Variants in CAMK1D observed in about 807,000 individuals in gnomAD.
The protein encoded by CAMK1D is calcium/calmodulin dependent protein kinase ID.
In CAMK1D, 9 loss-of-function variants were observed where a neutral mutation model predicts 47.7. That is an observed-to-expected ratio of 0.19 (90% CI 0.11 to 0.33). The LOEUF is 0.33. Ranked by LOEUF, CAMK1D falls within the 10% of genes least tolerant of loss-of-function variation. The pLI, the probability that CAMK1D is intolerant of heterozygous loss-of-function variation, is 1.00. For missense variants in CAMK1D, 291 were observed against 488.7 expected (o/e 0.60, Z 3.81); for synonymous variants, 184 against 184.9 (o/e 0.99, Z 0.04).
At chr10:12,523,738 AGAGAGGGAGAGGGAGACCGTGGG>A (rs1047672813) in intron 1 of CAMK1D, among the ~76,000 whole-genome samples, 2 of 152,082 alleles carry the variant, frequency 1.3e-5, no homozygotes, top group African/African-American at 4.8e-5. Flanking sequence ...GACCGTGGAA[AGAGAGGGAGAGGGAGACCGTGGG>A]GAGAGGGAGA....
At chr10:12,552,477 A>G (rs1424889780) in intron 1 of CAMK1D, among the ~76,000 whole-genome samples, 1 of 152,126 alleles carries the variant, frequency 6.6e-6, no homozygotes, top group Non-Finnish European at 1.5e-5. Context: ...TTTCCTCTAG[A>G]TGAAAAAGCC....
At chr10:12,545,727 G>A (rs1482810124) in intron 1 of CAMK1D, among the ~76,000 whole-genome samples, 3 of 151,402 alleles carry the variant, frequency 2.0e-5, no homozygotes, top group Non-Finnish European at 4.4e-5. Flanking sequence ...TTGAACCAGG[G>A]AGTCGGAGGT....
intron 1 of CAMK1D, among the ~76,000 whole-genome samples, chr10:12,453,935 G>A (rs115200351): frequency 0.016 from 2,484 of 152,160 alleles, 65 homozygotes; most frequent in African/African-American, 0.056. Flanking sequence ...CATGATGATC[G>A]TATCCTCTCT....
At chr10:12,720,606 A>G (rs1834332450) in intron 3 of CAMK1D, among the ~76,000 whole-genome samples, 1 of 152,228 alleles carries the variant, frequency 6.6e-6, no homozygotes, top group Admixed American at 6.5e-5. Context: ...ACAGAGACTC[A>G]TTGTCCCAAG....
intron 1 of CAMK1D, among the ~76,000 whole-genome samples, chr10:12,371,444 C>T (rs1444631217): frequency 6.6e-6 from 1 of 151,254 alleles, no homozygotes; most frequent in African/African-American, 2.4e-5. Flanking sequence ...GGCTTAGTGG[C>T]GGGCGCCTGT....
At chr10:12,650,309 G>C (rs1839924575) in intron 2 of CAMK1D, among the ~76,000 whole-genome samples, 1 of 152,246 alleles carries the variant, frequency 6.6e-6, no homozygotes, top group Admixed American at 6.5e-5. Flanking sequence ...GCGTGCCAGG[G>C]GCAGGGTCAG....
At chr10:12,747,852 C>A (rs879880388) in intron 3 of CAMK1D, among the ~76,000 whole-genome samples, 5 of 152,126 alleles carry the variant, frequency 3.3e-5, no homozygotes, top group Non-Finnish European at 5.9e-5. Flanking sequence ...GGAGGGATCC[C>A]CTCATATTCG....
At position 12,683,215 on chromosome 10, in the gene CAMK1D, T is replaced by C. The variant is rs973004135; in HGVS notation, c.299+16405T>C. The stretch of plus-strand genomic sequence containing the variant: ...GTTTCTCTTGCCTCAGCCTCCCGAG[T>C]AGCTGGGACTACAGGTGCGCACCAC... On this transcript the variant is annotated intron_variant, in intron 3 of 10. Transcript: ENST00000619168. Among the ~76,000 whole-genome samples the C allele has an allele frequency of 2.0e-5, 3 of 151,954 alleles. No individual in the cohort carries two copies. The East Asian group carries it at 5.8e-4, about 29-fold the overall frequency.
At chr10:12,360,209 A>G (rs1042824927) in intron 1 of CAMK1D, among the ~76,000 whole-genome samples, 6 of 152,202 alleles carry the variant, frequency 3.9e-5, no homozygotes, top group Non-Finnish European at 7.3e-5. Flanking sequence ...TGGTTTTACA[A>G]TAAATTGGAT....
At chr10:12,579,838 T>G (rs754023628) in intron 2 of CAMK1D, among the ~76,000 whole-genome samples, 3 of 152,186 alleles carry the variant, frequency 2.0e-5, no homozygotes, top group Non-Finnish European at 4.4e-5. Context: ...GGATCTCTTC[T>G]CTGGATCTGT....
intron 1 of CAMK1D, among the ~76,000 whole-genome samples, chr10:12,434,269 G>A (rs1832567015): frequency 6.6e-6 from 1 of 152,238 alleles, no homozygotes; most frequent in African/African-American, 2.4e-5. Flanking sequence ...AGCATAGAGT[G>A]TTTGGGGTTT....
Position 12,401,219 on chromosome 10 carries a change from T to C in CAMK1D, c.92+51309T>C, listed in dbSNP as rs187648567. On this transcript the variant is annotated intron_variant, in intron 1 of 10. Coordinates refer to ENST00000619168, the MANE Select transcript of CAMK1D (RefSeq NM_153498.4). ...TTATATATATATAATATATGTATTA[T>C]ATATATTATATATATATTTTATATA... Among the ~76,000 whole-genome samples the C allele has an allele frequency of 3.5e-3, 124 of 35,018 alleles. 19 individuals carry two copies. Among genetic ancestry groups the C allele is most frequent in the African/African-American group, 7.2e-3 (58 of 8,012 alleles). The allele number at this position is 35,018 out of a possible 152,430, so 23.0% of individuals were successfully genotyped here. A position where few individuals can be genotyped will look rare whatever the true frequency, so the allele number is the denominator to read the frequency against.
At chr10:12,351,010 T>C (rs1048853223) in intron 1 of CAMK1D, among the ~76,000 whole-genome samples, 2 of 152,184 alleles carry the variant, frequency 1.3e-5, no homozygotes, top group African/African-American at 4.8e-5. Flanking sequence ...TTTTTCCGTG[T>C]GCTTGTTTTT....
intron 1 of CAMK1D, among the ~76,000 whole-genome samples, chr10:12,509,626 C>G (rs1834982580): frequency 6.6e-6 from 1 of 152,166 alleles, no homozygotes; most frequent in African/African-American, 2.4e-5. Flanking sequence ...TGGTGCATGT[C>G]TGTCATCTCA....
intron 4 of CAMK1D, among the ~76,000 whole-genome samples, chr10:12,765,883 A>G (rs1836731387): frequency 6.6e-6 from 1 of 151,698 alleles, no homozygotes; most frequent in South Asian, 2.1e-4. Context: ...CCATTTGTAT[A>G]GGACACAAAA....
intron 1 of CAMK1D, among the ~76,000 whole-genome samples, chr10:12,524,977 T>G (rs974864554): frequency 1.3e-5 from 2 of 152,212 alleles, no homozygotes; most frequent in African/African-American, 4.8e-5. Context: ...TATTTCCCCT[T>G]TATTTCTAAA....
intron 1 of CAMK1D, among the ~76,000 whole-genome samples, chr10:12,384,098 GT>G (rs1838422210): frequency 6.6e-6 from 1 of 152,138 alleles, no homozygotes; most frequent in Admixed American, 6.6e-5. Context: ...GAACAATCTC[GT>G]TTATAATATC....
At chr10:12,764,308 G>C (rs1383852878) in intron 4 of CAMK1D, among the ~76,000 whole-genome samples, 1 of 149,058 alleles carries the variant, frequency 6.7e-6, no homozygotes, top group East Asian at 2.0e-4. Context: ...TTTAACTGGG[G>C]AGGCAGAGGT....
chr10:12,521,005 G>T, intron 1 of CAMK1D, among the ~76,000 whole-genome samples: 1 of 149,076 alleles, frequency 6.7e-6, no homozygotes, highest in East Asian at 2.1e-4. Flanking sequence ...GGTAATTTGT[G>T]TTCTCTTTTT....
Sources: gnomAD v4.1 joint callset for allele counts (sites outside exome capture counted in the v4.1 genomes callset) on GRCh38, gnomAD v4.1.1 for gene constraint, MANE v1.5 for transcripts, NCBI Gene and HGNC (gene_info 2026-07-23, HGNC 2026-07-21) for gene names.